The following ABCC8 variants were observed in gnomAD, a reference collection of about 807,000 sequenced individuals.
ABCC8 encodes ATP-binding cassette sub-family C member 8.
ABCC8 carries 137 observed loss-of-function variants against 188.0 expected under a neutral mutation model. The observed-to-expected ratio is 0.73, with a 90% CI of 0.63 to 0.84. The LOEUF (loss-of-function observed/expected upper bound fraction) is 0.84. Among genes scored for constraint, ABCC8 ranks in the 40% least tolerant of loss-of-function variants. The probability of loss-of-function intolerance (pLI) is 0.00; values close to 1 mark genes in which losing one functional copy is unlikely to be tolerated. For synonymous variants in ABCC8, 797 were observed against 846.5 expected, an observed-to-expected ratio of 0.94 and a Z score of 1.01; for missense variants, 1,750 against 2,072.7, an observed-to-expected ratio of 0.84 and a Z score of 3.02.
chr11:17,432,355 C>T, intron 10 of ABCC8, 111 bp from the exon 11 acceptor site: 1 of 1,545,146 alleles, frequency 6.5e-7, no homozygotes, highest in Non-Finnish European at 8.7e-7. Context: ...GCCTGTGGGG[C>T]ACAGCTCCAG....
Position 17,408,498 on chromosome 11 carries a change from C to T in ABCC8, c.2714G>A (p.Gly905Asp). ...GAGGGTACCCTCCCTCTGGATGGTG[C>T]CATCCTTCATGGCAATGATCTGGAA... is the stretch of plus-strand genomic sequence containing the variant. ...HADWIIAMKD[G>D]TIQREGTLKD... The change falls in exon 23 of 39, where the codon GGC becomes GAC. Residue 905 changes from glycine to aspartate, a missense_variant. Physicochemically the swap from Gly to Asp is moderately conservative, Grantham distance 94. Coordinates refer to ENST00000389817, the MANE Select transcript of ABCC8 (RefSeq NM_000352.6). 2 of 1,612,586 alleles carry T rather than the reference C, an allele frequency of 1.2e-6. No individual in the cohort carries two copies. The highest frequency in any genetic ancestry group is 1.7e-6 in the Non-Finnish European group (2 of 1,179,810).
At chr11:17,432,098 G>C in intron 11 of ABCC8, 106 bp downstream of exon 11, 2 of 1,416,606 alleles carry the variant, frequency 1.4e-6, no homozygotes, top group African/African-American at 1.4e-5. Context: ...TGTGGAGCCT[G>C]TCTTCTGAGG....
intron 2 of ABCC8, among the ~76,000 whole-genome samples, chr11:17,471,660 C>A (rs986487830): frequency 6.6e-6 from 1 of 152,214 alleles, no homozygotes; most frequent in Non-Finnish European, 1.5e-5. Flanking sequence ...AAAGGAGAGG[C>A]ATGTCGGCAG....
chr11:17,446,800 C>G (rs531387037), intron 8 of ABCC8, among the ~76,000 whole-genome samples: 1 of 151,982 alleles, frequency 6.6e-6, no homozygotes, highest in Non-Finnish European at 1.5e-5. Flanking sequence ...CCTGTGGGAG[C>G]CTCTCCCCTT....
chr11:17,396,475 G>T, intron 33 of ABCC8: 1 of 293,974 alleles, frequency 3.4e-6, no homozygotes, highest in Non-Finnish European at 6.5e-6. Context: ...GTGAGACAGA[G>T]ACAAAGAGAC....
At chr11:17,424,442 G>A (rs1955493470) in intron 16 of ABCC8, among the ~76,000 whole-genome samples, 1 of 152,202 alleles carries the variant, frequency 6.6e-6, no homozygotes, top group African/African-American at 2.4e-5. Context: ...CAGACCCGGA[G>A]GGTTGGCACA....
At chr11:17,462,041 G>A (rs1210751956) in intron 4 of ABCC8, among the ~76,000 whole-genome samples, 5 of 152,152 alleles carry the variant, frequency 3.3e-5, no homozygotes, top group Non-Finnish European at 5.9e-5. Context: ...CATTGAGGTC[G>A]ACTTTGAACC....
Position 17,448,524 on chromosome 11 carries a change from G to A in ABCC8, c.1324C>T (p.Pro442Ser). The change falls in exon 8 of 39, where the codon CCA (proline) becomes TCA (serine). Residue 442 changes from proline to serine, a missense_variant. Transcript: ENST00000389817. ...FFLCPNLWAMPVQIIVGVILL... is the reference protein window; with the variant it reads ...FFLCPNLWAMSVQIIVGVILL... ...CTCAGCCCATCTAGTACCTGTACTG[G>A]CATAGCCCAGAGGTTTGGGCACAAG... 1 of 1,613,872 alleles carries A rather than the reference G, an allele frequency of 6.2e-7. No individual in the cohort carries two copies. The highest frequency in any genetic ancestry group is 8.5e-7 in the Non-Finnish European group (1 of 1,179,834).
intron 33 of ABCC8, chr11:17,396,706 C>T: frequency 1.6e-6 from 1 of 630,958 alleles, no homozygotes; most frequent in Non-Finnish European, 2.7e-6. Context: ...AGTGAGAAGA[C>T]AAGGCCTGAG....
At chr11:17,462,500 C>A (rs1332760062) in intron 4 of ABCC8, among the ~76,000 whole-genome samples, 2 of 152,206 alleles carry the variant, frequency 1.3e-5, no homozygotes, top group Non-Finnish European at 1.5e-5. Context: ...TAACACTGAT[C>A]AAAATTTAAA....
In ABCC8 at chr11:17,455,993, A is replaced by G. The variant is rs572969130; in HGVS notation, c.1012-2710T>C. 7.3e-5 allele frequency among the ~76,000 whole-genome samples: 11 copies of G among 151,362 alleles called. No individual in the cohort carries two copies. In the South Asian group the frequency reaches 1.1e-3, roughly 15 times the overall value. ...TACTAGACTAGCCAAGAGGCCTGCCATGCTGCCCAAGGAAGGCAGGCCCTG... is the reference window on the plus strand; with the variant it reads ...TACTAGACTAGCCAAGAGGCCTGCCGTGCTGCCCAAGGAAGGCAGGCCCTG... On this transcript the variant is annotated intron_variant, in intron 6 of 38. Coordinates refer to ENST00000389817, the MANE Select transcript of ABCC8 (RefSeq NM_000352.6).
intron 34 of ABCC8, 26 bp downstream of exon 34, chr11:17,395,826 C>T (rs752567947): frequency 1.0e-5 from 16 of 1,561,470 alleles, no homozygotes; most frequent in South Asian, 5.9e-5. Flanking sequence ...TGTGGGTACA[C>T]GTGGGGTGCC....
In ABCC8 at chr11:17,415,339, G is replaced by A. The variant is rs1380437188; in HGVS notation, c.2256C>T (p.Ser752=). ...AGTCGGTCGCTGTCTCCCGCTCTGGGCTGCAGCAGGGGAGGAAAGGCATAC... is the reference window on the plus strand; with the variant it reads ...AGTCGGTCGCTGTCTCCCGCTCTGGACTGCAGCAGGGGAGGAAAGGCATAC... ...LPDSEIGEDP[S]PERETATDLD... The change falls in exon 18 of 39, where the codon AGC becomes AGT. Residue 752 remains serine (S), a splice_region_variant and synonymous_variant. Coordinates refer to ENST00000389817, the MANE Select transcript of ABCC8 (RefSeq NM_000352.6). 6.2e-7 allele frequency: 1 copy of A among 1,610,536 alleles called. No individual in the cohort carries two copies.
intron 13 of ABCC8, 71 bp downstream of exon 13, chr11:17,428,494 G>A (rs1285398070): frequency 9.3e-6 from 15 of 1,605,044 alleles, no homozygotes; most frequent in South Asian, 1.1e-5. Flanking sequence ...GCAGAAGTCC[G>A]ACACAGCAGG....
chr11:17,442,993 G>C, intron 9 of ABCC8, 111 bp from the exon 10 acceptor site: 1 of 1,578,704 alleles, frequency 6.3e-7, no homozygotes, highest in South Asian at 1.1e-5. Context: ...GTCCTCACCG[G>C]GAGGCAGCCT....
rs142015460 is a variant in ABCC8, at chr11:17,410,197, G to A, written c.2694+319C>T. ...GGCACTCCCCATGACTGCGGGGATG[G>A]GTCATCAAAAGGGCAGGAATCAGAA... On this transcript the variant is annotated intron_variant, in intron 22 of 38. Coordinates refer to ENST00000389817, the MANE Select transcript of ABCC8 (RefSeq NM_000352.6). 67 of 324,824 alleles carry A rather than the reference G, an allele frequency of 2.1e-4. No homozygotes were observed. In the East Asian group the frequency reaches 2.7e-3, roughly 13 times the overall value. 20.1% of individuals were successfully genotyped at this position (324,824 alleles called of 1,614,324 possible).
In ABCC8 at chr11:17,442,848, T is replaced by G. The variant is rs749810368; in HGVS notation, c.1502A>C (p.Glu501Ala). 1 of 1,613,920 alleles carries G rather than the reference T, an allele frequency of 6.2e-7. No homozygotes were observed. The highest frequency in any genetic ancestry group is 8.5e-7 in the Non-Finnish European group (1 of 1,180,016). Residue 501 changes from glutamate to alanine, a missense_variant, in exon 10 of 39, where the codon GAG (glutamate) becomes GCG (alanine). Transcript: ENST00000389817. ...YSNERLKQTN[E>A]MLRGIKLLKL... ...CAGCAGCTTGATGCCGCGGAGCATC[T>G]CGTTGGTCTGCTTCAGCCGCTCATT...
At position 17,427,827 on chromosome 11, in the gene ABCC8, C is replaced by A. The variant is rs771871872; in HGVS notation, c.2116+40G>T. The stretch of plus-strand genomic sequence containing the variant: ...TTTATCTCTATGTTATTCAGTGGGA[C>A]ATGGGGAGGGGCATGCTGGAGGGGT... On this transcript the variant is annotated intron_variant, in intron 15 of 38. Transcript: ENST00000389817. The surrounding 1 kb of genome is among the most constrained non-coding windows in gnomAD (Gnocchi z 5.0). 5 of 1,611,066 alleles carry A rather than the reference C, an allele frequency of 3.1e-6. No homozygotes were observed. The highest frequency in any genetic ancestry group is 1.1e-5 in the South Asian group (1 of 90,474).
At chr11:17,395,781 G>C in intron 34 of ABCC8, 63 bp from the exon 35 acceptor site, 8 of 1,553,058 alleles carry the variant, frequency 5.2e-6, no homozygotes, top group Non-Finnish European at 7.0e-6. Context: ...TGTCATGTCT[G>C]ACCACGTGCC....
Sources: allele counts gnomAD v4.1 joint callset (sites outside exome capture counted in the v4.1 genomes callset), GRCh38; gene constraint gnomAD v4.1.1; non-coding constraint Gnocchi (gnomAD v3.1); transcripts MANE v1.5; gene names NCBI Gene and HGNC (gene_info 2026-07-23, HGNC 2026-07-21).